Variants in SLC35F1 observed in about 807,000 individuals in gnomAD.
SLC35F1 encodes solute carrier family 35 member F1, also known as chromosome 6 open reading frame 169.
In SLC35F1, 14 loss-of-function variants were observed where a neutral mutation model predicts 48.7. That is an observed-to-expected ratio of 0.29 (90% CI 0.19 to 0.45). SLC35F1 has a LOEUF of 0.45. Among genes scored for constraint, SLC35F1 ranks in the 20% least tolerant of loss-of-function variants. The pLI, the probability that SLC35F1 is intolerant of heterozygous loss-of-function variation, is 1.00. For synonymous variants in SLC35F1, 190 were observed against 202.2 expected, an observed-to-expected ratio of 0.94 and a Z score of 0.51; for missense variants, 404 against 500.0, an observed-to-expected ratio of 0.81 and a Z score of 1.83.
At chr6:118,307,626 A>G (rs1370431396) in intron 7 of SLC35F1, among the ~76,000 whole-genome samples, 1 of 152,198 alleles carries the variant, frequency 6.6e-6, no homozygotes. Context: ...AATGCACTTC[A>G]TAATAATAAA....
intron 1 of SLC35F1, among the ~76,000 whole-genome samples, chr6:118,090,045 G>T (rs1215714210): frequency 6.6e-6 from 1 of 152,168 alleles, no homozygotes; most frequent in Non-Finnish European, 1.5e-5. Context: ...AACTAATTCT[G>T]AGACTGAGTA....
intron 7 of SLC35F1, among the ~76,000 whole-genome samples, 160 bp downstream of exon 7, chr6:118,285,498 T>TA (rs1776038509): frequency 6.6e-6 from 1 of 152,210 alleles, no homozygotes; most frequent in South Asian, 2.1e-4. Context: ...ATTTCAGCTA[T>TA]AAGACAGAGA....
At chr6:118,256,319 A>G (rs1487162792) in intron 3 of SLC35F1, among the ~76,000 whole-genome samples, 1 of 151,760 alleles carries the variant, frequency 6.6e-6, no homozygotes, top group Non-Finnish European at 1.5e-5. Context: ...CTGGAGATGA[A>G]TTTATATATG....
intron 1 of SLC35F1, among the ~76,000 whole-genome samples, chr6:117,954,515 T>C (rs1484293514): frequency 6.6e-6 from 1 of 152,162 alleles, no homozygotes; most frequent in Non-Finnish European, 1.5e-5. Context: ...TGTCTCCATC[T>C]CCCAAAGTGC....
At chr6:118,206,626 T>C (rs954352441) in intron 2 of SLC35F1, among the ~76,000 whole-genome samples, 6 of 152,238 alleles carry the variant, frequency 3.9e-5, no homozygotes, top group African/African-American at 1.2e-4. Flanking sequence ...TATTTACATA[T>C]ATATTTCTAA....
intron 7 of SLC35F1, 141 bp downstream of exon 7, chr6:118,285,479 G>A: frequency 3.3e-6 from 3 of 897,290 alleles, no homozygotes; most frequent in East Asian, 2.5e-5. Context: ...CCATGATTTA[G>A]GTATTCACAT....
intron 7 of SLC35F1, among the ~76,000 whole-genome samples, chr6:118,290,398 T>C (rs1776106271): frequency 6.6e-6 from 1 of 152,102 alleles, no homozygotes; most frequent in Admixed American, 6.6e-5. Flanking sequence ...ATGCTGTATT[T>C]CGTCTTCCCC....
At chr6:118,115,362 C>G (rs1224049370) in intron 1 of SLC35F1, among the ~76,000 whole-genome samples, 1 of 152,174 alleles carries the variant, frequency 6.6e-6, no homozygotes, top group Non-Finnish European at 1.5e-5. Flanking sequence ...AGGGAAATAA[C>G]AATACCAGCA....
chr6:118,051,267 A>C (rs1432812952), intron 1 of SLC35F1, among the ~76,000 whole-genome samples: 3 of 152,164 alleles, frequency 2.0e-5, no homozygotes, highest in Non-Finnish European at 4.4e-5. Context: ...ATTTTCCAAA[A>C]AAGAAGCTCA....
intron 1 of SLC35F1, among the ~76,000 whole-genome samples, chr6:118,103,513 C>G (rs570504351): frequency 1.3e-5 from 2 of 152,198 alleles, no homozygotes; most frequent in Admixed American, 6.5e-5. Flanking sequence ...CCACCTGGGC[C>G]GCCAACTTCT....
intron 1 of SLC35F1, among the ~76,000 whole-genome samples, chr6:118,138,456 C>CT (rs763662097): frequency 7.2e-5 from 11 of 152,132 alleles, no homozygotes; most frequent in Non-Finnish European, 1.5e-4. Context: ...CCTATGTTAT[C>CT]TATCTCTCTC....
At chr6:118,184,671 G>A (rs1342281965) in intron 2 of SLC35F1, among the ~76,000 whole-genome samples, 2 of 152,148 alleles carry the variant, frequency 1.3e-5, no homozygotes, top group African/African-American at 2.4e-5. Context: ...AAGTCTTCTG[G>A]AAGGACTTTG....
chr6:118,285,358 C>T lies in SLC35F1; in HGVS notation c.1002+20C>T. ...TACAAGGTAAGTTGAGTGAGTGCTC[C>T]TTTGTGAAGATGATACTTTGTAGGA... On this transcript the variant is annotated intron_variant, in intron 7 of 7. Coordinates refer to ENST00000360388, the MANE Select transcript of SLC35F1 (RefSeq NM_001029858.4). The T allele has an allele frequency of 6.2e-7, 1 of 1,613,124 alleles. No homozygotes were observed. Among genetic ancestry groups the T allele is most frequent in the South Asian group, 1.1e-5 (1 of 91,012 alleles).
intron 2 of SLC35F1, among the ~76,000 whole-genome samples, chr6:118,222,127 C>T (rs1472476610): frequency 1.3e-5 from 2 of 152,222 alleles, no homozygotes. Context: ...GTTTAATGCA[C>T]ACATATCCCC....
chr6:117,917,215 C>A (rs1326372297), intron 1 of SLC35F1, among the ~76,000 whole-genome samples: 1 of 151,938 alleles, frequency 6.6e-6, no homozygotes, highest in African/African-American at 2.4e-5. Flanking sequence ...TGAAACAAGT[C>A]TTCATAATGA....
At chr6:118,002,254 T>C (rs1582612141) in intron 1 of SLC35F1, among the ~76,000 whole-genome samples, 1 of 152,064 alleles carries the variant, frequency 6.6e-6, no homozygotes, top group Non-Finnish European at 1.5e-5. Context: ...ATATACACCA[T>C]GGAATACTAT....
intron 1 of SLC35F1, among the ~76,000 whole-genome samples, chr6:118,109,823 C>T (rs899376099): frequency 2.0e-5 from 3 of 152,160 alleles, no homozygotes; most frequent in East Asian, 1.9e-4. Context: ...TGACCCAGTG[C>T]AGTCAGTTAA....
rs1402413011 is a variant in SLC35F1, at chr6:118,316,201, C to T, written c.*1949C>T. 5.3e-5 allele frequency: 8 copies of T among 152,268 alleles called. No individual in the cohort carries two copies. The highest frequency in any genetic ancestry group is 2.1e-4 in the South Asian group (1 of 4,826). The allele number at this position is 152,268 out of a possible 1,614,324, so 9.4% of individuals were successfully genotyped here. On this transcript the variant is annotated 3_prime_UTR_variant, in exon 8 of 8. Coordinates refer to ENST00000360388, the MANE Select transcript of SLC35F1 (RefSeq NM_001029858.4). The stretch of plus-strand genomic sequence containing the variant: ...TGGCCTTTTTGCCTGCCTTCTATAA[C>T]GGGTAAGTGGACCTACCCTTGGAGA...
At chr6:118,056,511 A>T (rs1460816447) in intron 1 of SLC35F1, among the ~76,000 whole-genome samples, 5 of 152,200 alleles carry the variant, frequency 3.3e-5, no homozygotes, top group Non-Finnish European at 7.3e-5. Flanking sequence ...TATATTCTGG[A>T]TAGTGCTTTG....
Sources: gnomAD v4.1 joint callset for allele counts (sites outside exome capture counted in the v4.1 genomes callset) on GRCh38, gnomAD v4.1.1 for gene constraint, MANE v1.5 for transcripts, NCBI Gene and HGNC (gene_info 2026-07-23, HGNC 2026-07-21) for gene names.